The following URB2 variants were observed in gnomAD, a reference collection of about 807,000 sequenced individuals.
URB2 encodes unhealthy ribosome biogenesis protein 2 homolog.
A neutral mutation model predicts 120.9 loss-of-function variants in URB2; 86 were observed. That is an observed-to-expected ratio of 0.71 (90% CI 0.60 to 0.85). The LOEUF is 0.85. Among genes scored for constraint, URB2 ranks in the 40% least tolerant of loss-of-function variants. URB2 has a pLI of 0.00. For synonymous variants in URB2, 755 were observed against 758.4 expected, an observed-to-expected ratio of 1.00 and a Z score of 0.07; for missense variants, 1,765 against 1,836.5, an observed-to-expected ratio of 0.96 and a Z score of 0.71.
intron 9 of URB2, among the ~76,000 whole-genome samples, chr1:229,656,884 A>G (rs1666418496): frequency 6.6e-6 from 1 of 152,194 alleles, no homozygotes; most frequent in Non-Finnish European, 1.5e-5. Flanking sequence ...ATGCTCCTGG[A>G]CTTAGGAGGG....
At chr1:229,646,872 T>C (rs1230915892) in intron 6 of URB2, among the ~76,000 whole-genome samples, 1 of 152,176 alleles carries the variant, frequency 6.6e-6, no homozygotes, top group Non-Finnish European at 1.5e-5. Flanking sequence ...ACAATTGCCC[T>C]GGGTTAGCAT....
intron 6 of URB2, 140 bp from the exon 7 acceptor site, chr1:229,647,370 T>A: frequency 9.9e-7 from 1 of 1,009,308 alleles, no homozygotes; most frequent in Non-Finnish European, 1.4e-6. Flanking sequence ...GTTTAGCAAA[T>A]AGTATTTAAC....
At position 229,659,386 on chromosome 1, in the gene URB2, G is replaced by A; in HGVS notation, c.*89G>A. The A allele has an allele frequency of 7.3e-7, 1 of 1,370,412 alleles. No individual in the cohort carries two copies. The highest frequency in any genetic ancestry group is 1.0e-6 in the Non-Finnish European group (1 of 989,986). The allele number at this position is 1,370,412 out of a possible 1,614,324, so 84.9% of individuals were successfully genotyped here. ...AGCTGGAGAATGAAAGACTTAAGAT[G>A]TTCTAATTCGTAGTATTGGTATACA... On this transcript the variant is annotated 3_prime_UTR_variant, in exon 10 of 10. Coordinates refer to ENST00000258243, the MANE Select transcript of URB2 (RefSeq NM_014777.4).
rs186914547 is a variant in URB2 at position 229,639,496 on chromosome 1, G to A, written c.3634+1249G>A. ...ACTACTGGCACCCGCCACCACGCCC[G>A]GCTAATTTTTTTGTATTTTTTAGTA... On this transcript the variant is annotated intron_variant, in intron 4 of 9. Coordinates refer to ENST00000258243, the MANE Select transcript of URB2 (RefSeq NM_014777.4). 3.5e-3 allele frequency among the ~76,000 whole-genome samples: 525 copies of A among 151,916 alleles called. 3 individuals are homozygous for A. Among genetic ancestry groups the A allele is most frequent in the African/African-American group, 0.012 (498 of 41,436 alleles).
chr1:229,641,916 G>A (rs1354613930), intron 4 of URB2, among the ~76,000 whole-genome samples: 5 of 152,106 alleles, frequency 3.3e-5, no homozygotes, highest in African/African-American at 9.7e-5. Context: ...AGGCTGAGGC[G>A]AGAGGACCCC....
chr1:229,629,414 T>C (rs1457776939), intron 2 of URB2, among the ~76,000 whole-genome samples: 1 of 152,224 alleles, frequency 6.6e-6, no homozygotes, highest in Admixed American at 6.5e-5. Flanking sequence ...GGTACATGCA[T>C]ATCTCAGAGA....
chr1:229,644,314 T>C (rs542180233), intron 5 of URB2, among the ~76,000 whole-genome samples: 1 of 152,362 alleles, frequency 6.6e-6, no homozygotes, highest in African/African-American at 2.4e-5. Context: ...GGTCTAGGCA[T>C]ATTCTGCCTC....
chr1:229,644,353 T>C (rs2102792498), intron 5 of URB2, among the ~76,000 whole-genome samples: 1 of 152,380 alleles, frequency 6.6e-6, no homozygotes. Context: ...CCTGGTCATA[T>C]ACAGCACACT....
chr1:229,630,513 T>C (rs955232353), intron 2 of URB2, among the ~76,000 whole-genome samples: 1 of 152,250 alleles, frequency 6.6e-6, no homozygotes, highest in Non-Finnish European at 1.5e-5. Context: ...GGCTTTGTTT[T>C]TCCATTGACA....
intron 4 of URB2, 27 bp downstream of exon 4, chr1:229,638,274 CTG>C (rs771708990): frequency 6.4e-7 from 1 of 1,560,200 alleles, no homozygotes; most frequent in East Asian, 2.2e-5. Flanking sequence ...TGAGCTAATT[CTG>C]TGTTATAGAG....
At position 229,643,516 on chromosome 1, in the gene URB2, G is replaced by T. The variant is rs1666062188; in HGVS notation, c.3635-17G>T. On this transcript the variant is annotated splice_polypyrimidine_tract_variant and intron_variant, in intron 4 of 9. Transcript: ENST00000258243. ...CACCTGTCACATCTTAACAATTTTGGTTTCTTTCCCACACAGATCCTGAAA... is the reference window on the plus strand; with the variant it reads ...CACCTGTCACATCTTAACAATTTTGTTTTCTTTCCCACACAGATCCTGAAA... 6.2e-7 allele frequency: 1 copy of T among 1,613,778 alleles called. No homozygotes were observed. Among genetic ancestry groups the T allele is most frequent in the African/African-American group, 1.3e-5 (1 of 75,020 alleles).
At chr1:229,628,147 A>T (rs1013346823) in intron 2 of URB2, among the ~76,000 whole-genome samples, 5 of 124,396 alleles carry the variant, frequency 4.0e-5, no homozygotes, top group African/African-American at 7.4e-5. Flanking sequence ...TATATATATA[A>T]TATATATAGT....
chr1:229,627,989 T>C (rs1051364601), intron 2 of URB2, among the ~76,000 whole-genome samples: 2 of 150,450 alleles, frequency 1.3e-5, no homozygotes, highest in Non-Finnish European at 1.5e-5. Flanking sequence ...CAGTGGCTCA[T>C]GCCTGTCATC....
At chr1:229,638,543 G>A (rs11585720) in intron 4 of URB2, among the ~76,000 whole-genome samples, 58,764 of 151,642 alleles carry the variant, frequency 0.39, 11,927 homozygotes, top group South Asian at 0.48. Context: ...CTACTCGGGA[G>A]GCTGAGGCAG....
chr1:229,651,455 A>T, intron 8 of URB2, 133 bp downstream of exon 8: 1 of 673,606 alleles, frequency 1.5e-6, no homozygotes, highest in Non-Finnish European at 2.2e-6. Context: ...ATGAATACTC[A>T]AAATATATAT....
At position 229,645,964 on chromosome 1, in the gene URB2, T is replaced by C. The variant is rs1204939130; in HGVS notation, c.3901T>C (p.Leu1301=). The C allele has an allele frequency of 6.2e-7, 1 of 1,613,984 alleles. No homozygotes were observed. Among genetic ancestry groups the C allele is most frequent in the African/African-American group, 1.3e-5 (1 of 75,046 alleles). Residue 1301 remains leucine (L), a synonymous_variant, in exon 6 of 10, where the codon TTA becomes CTA. Coordinates refer to ENST00000258243, the MANE Select transcript of URB2 (RefSeq NM_014777.4). ...TGCGTGTCCCCAGATAGTCACAGCTTTAACAGTGAGTACCCTCTGGAGATG... is the reference window on the plus strand; with the variant it reads ...TGCGTGTCCCCAGATAGTCACAGCTCTAACAGTGAGTACCCTCTGGAGATG... The part of the protein sequence containing the change: ...WRACPQIVTA[L]TLLNREASQE...
At position 229,659,419 on chromosome 1, in the gene URB2, T is replaced by A. The variant is rs1666473010; in HGVS notation, c.*122T>A. On this transcript the variant is annotated 3_prime_UTR_variant, in exon 10 of 10. Transcript: ENST00000258243. ...TCGTAGTATTGGTATACATAGAAAA[T>A]CCTTTGGGGTTTATGTAGTATATTT... 6.7e-6 allele frequency: 7 copies of A among 1,052,470 alleles called. No individual in the cohort carries two copies. In the Admixed American group the frequency reaches 1.8e-4, roughly 27 times the overall value. The allele number at this position is 1,052,470 out of a possible 1,614,324, so 65.2% of individuals were successfully genotyped here. A position where few individuals can be genotyped will look rare whatever the true frequency, so the allele number is the denominator to read the frequency against.
intron 4 of URB2, among the ~76,000 whole-genome samples, chr1:229,639,721 A>G (rs555211003): frequency 5.9e-5 from 9 of 152,174 alleles, no homozygotes; most frequent in African/African-American, 2.2e-4. Flanking sequence ...CCCCCACCAT[A>G]TTAGGGTGCT....
Position 229,637,599 on chromosome 1 carries a change from G to C in URB2, c.2986G>C (p.Glu996Gln). ...TGAGATGGATGATCCCGCTTGGCTG[G>C]AATTCCTCCAAGTGATAGGGACGTT... Reference protein sequence around the residue: ...LIEMDDPAWLEFLQVIGTFLE... With the variant: ...LIEMDDPAWLQFLQVIGTFLE... The change falls in exon 4 of 10, where the codon GAA becomes CAA. Residue 996 changes from glutamate (E) to glutamine (Q), a missense_variant. Glu to Gln is a conservative substitution (Grantham distance 29). Coordinates refer to ENST00000258243, the MANE Select transcript of URB2 (RefSeq NM_014777.4). The C allele has an allele frequency of 5.6e-6, 9 of 1,614,174 alleles. No individual in the cohort carries two copies. The highest frequency in any genetic ancestry group is 6.8e-6 in the Non-Finnish European group (8 of 1,180,006).
Sources: allele counts gnomAD v4.1 joint callset (sites outside exome capture counted in the v4.1 genomes callset), GRCh38; gene constraint gnomAD v4.1.1; transcripts MANE v1.5; gene names NCBI Gene and HGNC (gene_info 2026-07-23, HGNC 2026-07-21).